Variants in ADGRE3 observed in about 807,000 individuals in gnomAD.
ADGRE3 encodes the protein adhesion G protein-coupled receptor E3.
ADGRE3 carries 88 observed loss-of-function variants against 80.1 expected under a neutral mutation model. The observed-to-expected ratio is 1.10, with a 90% CI of 0.93 to 1.31. The LOEUF (loss-of-function observed/expected upper bound fraction) is 1.31, where lower values mean the gene tolerates loss of function less well. ADGRE3 is among the 40% of genes most tolerant of loss of function. ADGRE3 has a pLI of 0.00. For synonymous variants in ADGRE3, 281 were observed against 294.8 expected, an observed-to-expected ratio of 0.95 and a Z score of 0.48; for missense variants, 715 against 776.5, an observed-to-expected ratio of 0.92 and a Z score of 0.94.
chr19:14,620,683 C>T (rs1357300118), intron 15 of ADGRE3, among the ~76,000 whole-genome samples: 9 of 141,732 alleles, frequency 6.4e-5, no homozygotes, highest in African/African-American at 2.4e-4. Flanking sequence ...CTCTGCCTCC[C>T]GGGCTTAAGC....
downstream of ADGRE3, among the ~76,000 whole-genome samples, chr19:14,618,780 C>T (rs192771185): frequency 9.7e-4 from 131 of 134,488 alleles, no homozygotes; most frequent in Non-Finnish European, 1.0e-3. Context: ...CGCTTGAACC[C>T]GGGAGGCAGA....
At chr19:14,606,944 T>G in the ADGRE3 span, 11 of 1,038,114 alleles carry the variant, frequency 1.1e-5, no homozygotes, top group Non-Finnish European at 1.4e-5. Context: ...GTCCTCACCC[T>G]GAGGGTCATG....
intron 14 of ADGRE3, among the ~76,000 whole-genome samples, 176 bp from the exon 15 acceptor site, chr19:14,625,775 A>G (rs1413839760): frequency 6.6e-6 from 1 of 152,220 alleles, no homozygotes; most frequent in East Asian, 1.9e-4. Flanking sequence ...ATTCTGACAC[A>G]TATGCTACCA....
At chr19:14,628,334 C>G (rs1001968545) in intron 14 of ADGRE3, among the ~76,000 whole-genome samples, 1 of 146,414 alleles carries the variant, frequency 6.8e-6, no homozygotes, top group African/African-American at 2.5e-5. Flanking sequence ...CCCAGGTACT[C>G]GGGAGGTGGA....
At chr19:14,667,296 T>G (rs1331143435) in intron 2 of ADGRE3, among the ~76,000 whole-genome samples, 2 of 151,994 alleles carry the variant, frequency 1.3e-5, no homozygotes, top group Non-Finnish European at 2.9e-5. Context: ...GCCAGTAAAA[T>G]CTACCTTGCT....
intron 11 of ADGRE3, among the ~76,000 whole-genome samples, chr19:14,634,930 A>G (rs1221272696): frequency 6.6e-6 from 1 of 152,096 alleles, no homozygotes; most frequent in African/African-American, 2.4e-5. Context: ...TACCTCTGAT[A>G]TACGATCCAG....
rs1341238762 is a variant in ADGRE3 at position 14,651,220 on chromosome 19, A to G, written c.578-16T>C. 1.2e-6 allele frequency: 2 copies of G among 1,613,942 alleles called. No individual in the cohort carries two copies. The highest frequency in any genetic ancestry group is 1.7e-5 in the Admixed American group (1 of 60,016). On this transcript the variant is annotated splice_polypyrimidine_tract_variant and intron_variant, in intron 6 of 15. Transcript: ENST00000253673. ...GTTTCAATAGCTGGTAAGAAAAGCA[A>G]TGGGCAGGCTTAGTGATATTGTAAG... is the stretch of plus-strand genomic sequence containing the variant.
chr19:14,617,346 C>CTTTCTTTA (rs2075084338), downstream of ADGRE3, among the ~76,000 whole-genome samples: 1 of 72,668 alleles, frequency 1.4e-5, no homozygotes. Context: ...CCCTCCCTTT[C>CTTTCTTTA]TTTCTTTCTT....
the ADGRE3 span, chr19:14,610,178 G>A: frequency 1.3e-6 from 2 of 1,572,986 alleles, no homozygotes; most frequent in African/African-American, 2.7e-5. Flanking sequence ...GGATTTGTGA[G>A]CGGAAATGTT....
At chr19:14,628,083 G>C (rs1409881690) in intron 14 of ADGRE3, among the ~76,000 whole-genome samples, 1 of 151,942 alleles carries the variant, frequency 6.6e-6, no homozygotes, top group Admixed American at 6.6e-5. Context: ...GGCTGAGGTC[G>C]TGCCATTGCA....
At chr19:14,663,689 A>C in intron 2 of ADGRE3, 149 bp from the exon 3 acceptor site, 3 of 893,964 alleles carry the variant, frequency 3.4e-6, no homozygotes, top group Non-Finnish European at 3.2e-6. Context: ...AAATACCAAA[A>C]ATAGCCAGGC....
chr19:14,603,499 G>A, the ADGRE3 span, among the ~76,000 whole-genome samples: 2 of 151,930 alleles, frequency 1.3e-5, no homozygotes, highest in African/African-American at 2.4e-5. Flanking sequence ...TTGCTCTGTT[G>A]CCCAGGCTGG....
At chr19:14,629,953 T>A in intron 14 of ADGRE3, 86 bp downstream of exon 14, 1 of 859,422 alleles carries the variant, frequency 1.2e-6, no homozygotes, top group Non-Finnish European at 1.8e-6. Context: ...GTGGAACATT[T>A]AGAGAATGTC....
intron 11 of ADGRE3, among the ~76,000 whole-genome samples, chr19:14,634,163 A>G (rs1296614475): frequency 6.6e-6 from 1 of 152,198 alleles, no homozygotes; most frequent in African/African-American, 2.4e-5. Flanking sequence ...ATTTCAATAT[A>G]TATATGAAAT....
At chr19:14,610,191 T>C in the ADGRE3 span, 1 of 1,563,954 alleles carries the variant, frequency 6.4e-7, no homozygotes, top group Non-Finnish European at 8.7e-7. Context: ...GAAATGTTCC[T>C]GTTGAAGCCC....
intron 5 of ADGRE3, among the ~76,000 whole-genome samples, chr19:14,658,248 T>G (rs1376147159): frequency 6.6e-6 from 1 of 151,546 alleles, no homozygotes; most frequent in Non-Finnish European, 1.5e-5. Flanking sequence ...TATAGATATA[T>G]GTATACATAC....
the ADGRE3 span, among the ~76,000 whole-genome samples, chr19:14,613,022 T>A: frequency 2.0e-5 from 3 of 148,222 alleles, no homozygotes; most frequent in Non-Finnish European, 4.5e-5. Flanking sequence ...GCTTTCCAGG[T>A]TTAACTGGTT....
intron 14 of ADGRE3, among the ~76,000 whole-genome samples, chr19:14,628,070 G>A (rs1568476122): frequency 1.3e-5 from 2 of 152,020 alleles, no homozygotes; most frequent in Non-Finnish European, 2.9e-5. Flanking sequence ...AGATGTCGTG[G>A]TGGGCTGAGG....
At chr19:14,638,371 G>T (rs754563864) in intron 10 of ADGRE3, 31 bp from the exon 11 acceptor site, 16 of 1,561,152 alleles carry the variant, frequency 1.0e-5, no homozygotes, top group African/African-American at 5.4e-5. Flanking sequence ...GCCTGAAGGG[G>T]TTGTCAGGGT....
Sources: allele counts gnomAD v4.1 joint callset (sites outside exome capture counted in the v4.1 genomes callset), GRCh38; gene constraint gnomAD v4.1.1; transcripts MANE v1.5; gene names NCBI Gene and HGNC (gene_info 2026-07-23, HGNC 2026-07-21).